The following KANK1 variants were observed in gnomAD, a reference collection of about 807,000 sequenced individuals.
KANK1 encodes KN motif and ankyrin repeat domains 1.
A neutral mutation model predicts 106.2 loss-of-function variants in KANK1; 109 were observed. The observed-to-expected ratio is 1.03, with a 90% CI of 0.88 to 1.20. The LOEUF (loss-of-function observed/expected upper bound fraction) is 1.20. Ranked by LOEUF, KANK1 falls within the 50% of genes most tolerant of loss-of-function variation. KANK1 has a pLI of 0.00. For synonymous variants in KANK1, 873 were observed against 652.2 expected (o/e 1.34, Z -5.16); for missense variants, 2,399 against 1,710.7 (o/e 1.40, Z -7.10).
rs189762128 is a variant in KANK1 at position 618,357 on chromosome 9, G to A, written c.-83-58533G>A. 1.1e-3 allele frequency among the ~76,000 whole-genome samples: 160 copies of A among 152,036 alleles called. 1 individual carries two copies. The East Asian group carries it at 0.021, about 20-fold the overall frequency. On this transcript the variant is annotated intron_variant, in intron 1 of 11. Transcript: ENST00000382297. ...CGAGTAGCTGGGACTACAGGCACAC[G>A]CCACCACACCCAGTTAATTTTTGTA...
intron 1 of KANK1, among the ~76,000 whole-genome samples, chr9:546,458 C>T (rs1032093324): frequency 1.3e-5 from 2 of 152,030 alleles, no homozygotes; most frequent in East Asian, 3.9e-4. Flanking sequence ...CTTTCAGGCT[C>T]ATGGGAAAAG....
chr9:583,394 G>C (rs1822657359), intron 1 of KANK1, among the ~76,000 whole-genome samples: 1 of 152,062 alleles, frequency 6.6e-6, no homozygotes, highest in African/African-American at 2.4e-5. Flanking sequence ...TTGTTTTTAT[G>C]ATGATTACTT....
At chr9:625,518 CTTCTCA>C (rs1834133538) in intron 1 of KANK1, among the ~76,000 whole-genome samples, 1 of 151,852 alleles carries the variant, frequency 6.6e-6, no homozygotes, top group African/African-American at 2.4e-5. Context: ...TGGGTTGGGC[CTTCTCA>C]TAGTTATCCG....
intron 1 of KANK1, among the ~76,000 whole-genome samples, chr9:662,956 C>G (rs540070199): frequency 1.3e-5 from 2 of 152,300 alleles, no homozygotes; most frequent in African/African-American, 2.4e-5. Context: ...GCCACCACGC[C>G]AGGCCTAAAC....
intron 3 of KANK1, among the ~76,000 whole-genome samples, chr9:487,569 C>CA (rs1467182752): frequency 6.6e-6 from 1 of 152,170 alleles, no homozygotes; most frequent in Admixed American, 6.5e-5. Context: ...GGAGTCTGTA[C>CA]AAGTTACTTG....
At chr9:545,893 G>T (rs12342270) in intron 1 of KANK1, among the ~76,000 whole-genome samples, 1 of 151,726 alleles carries the variant, frequency 6.6e-6, no homozygotes, top group Non-Finnish European at 1.5e-5. Flanking sequence ...TTACAGGCAT[G>T]CACCACCATG....
In KANK1 at chr9:711,089, T is replaced by G. The variant is rs141194618; in HGVS notation, c.323T>G (p.Ile108Arg). Residue 108 changes from isoleucine to arginine, a missense_variant, in exon 3 of 12, where the codon ATA (isoleucine) becomes AGA (arginine). Physicochemically the swap from Ile to Arg is moderately conservative, Grantham distance 97 (BLOSUM62 -3). Transcript: ENST00000382297. Reference sequence around the variant, plus strand: ...AACAAGCAGTGCCCCAACTTCCTCATAGCCAGAAGTCAAGTTACATCAACT... The same window carrying G: ...AACAAGCAGTGCCCCAACTTCCTCAGAGCCAGAAGTCAAGTTACATCAACT... ...DDNKQCPNFL[I>R]ARSQVTSTPI... 14 of 1,614,044 alleles carry G rather than the reference T, an allele frequency of 8.7e-6. No homozygotes were observed. Among genetic ancestry groups the G allele is most frequent in the Middle Eastern group, 1.6e-4 (1 of 6,084 alleles).
chr9:566,067 C>G (rs1010483316), intron 1 of KANK1, among the ~76,000 whole-genome samples: 6 of 152,184 alleles, frequency 3.9e-5, no homozygotes, highest in African/African-American at 1.4e-4. Context: ...CTCTATGTGC[C>G]CATGTGTTCT....
intron 1 of KANK1, among the ~76,000 whole-genome samples, chr9:652,953 G>T (rs111666969): frequency 8.5e-4 from 130 of 152,336 alleles, no homozygotes; most frequent in African/African-American, 3.0e-3. Context: ...TTCAGCATCT[G>T]TTCCGGCGTT....
chr9:628,581 C>G (rs1184570471), intron 1 of KANK1, among the ~76,000 whole-genome samples: 1 of 152,188 alleles, frequency 6.6e-6, no homozygotes, highest in Non-Finnish European at 1.5e-5. Flanking sequence ...CTTGAGGGCA[C>G]TTGAACCACA....
intron 1 of KANK1, among the ~76,000 whole-genome samples, chr9:590,604 C>T (rs1255614840): frequency 6.7e-6 from 1 of 148,602 alleles, no homozygotes; most frequent in Admixed American, 6.6e-5. Flanking sequence ...GTAACTTTAC[C>T]ACCATTAAAT....
intron 1 of KANK1, among the ~76,000 whole-genome samples, chr9:658,606 G>C (rs1004816873): frequency 6.7e-6 from 1 of 148,994 alleles, no homozygotes; most frequent in Non-Finnish European, 1.5e-5. Flanking sequence ...AAGTTTTATA[G>C]TTTTTTTTTT....
chr9:532,912 T>C (rs990992843), intron 1 of KANK1, among the ~76,000 whole-genome samples: 1 of 152,164 alleles, frequency 6.6e-6, no homozygotes, highest in African/African-American at 2.4e-5. Context: ...TGTACACAGC[T>C]GCAGGAGGGA....
chr9:552,775 G>A (rs2061356938), intron 1 of KANK1, among the ~76,000 whole-genome samples: 1 of 152,216 alleles, frequency 6.6e-6, no homozygotes, highest in Non-Finnish European at 1.5e-5. Context: ...CAGGGTGCTT[G>A]TGGTTAGGTA....
Position 620,891 on chromosome 9 carries a change from C to G in KANK1, c.-83-55999C>G, listed in dbSNP as rs955427984. ...CTACAGCCCTCTTAACAATTTTACT[C>G]TTAACCAATTTTGGGGTACCAGTTT... On this transcript the variant is annotated intron_variant, in intron 1 of 11. Coordinates refer to ENST00000382297, the MANE Select transcript of KANK1 (RefSeq NM_015158.5). Among the ~76,000 whole-genome samples, 7 of 152,228 alleles carry G rather than the reference C, an allele frequency of 4.6e-5. No homozygotes were observed. The East Asian group carries it at 5.8e-4, about 13-fold the overall frequency.
chr9:570,834 C>T (rs1397431177), intron 1 of KANK1, among the ~76,000 whole-genome samples: 6 of 152,126 alleles, frequency 3.9e-5, no homozygotes, highest in Non-Finnish European at 5.9e-5. Flanking sequence ...ACTTTCTAAA[C>T]ATGCTTAATC....
chr9:705,886 C>T (rs1360460883), intron 2 of KANK1, among the ~76,000 whole-genome samples: 1 of 152,034 alleles, frequency 6.6e-6, no homozygotes, highest in African/African-American at 2.4e-5. Flanking sequence ...CAGGCATGAG[C>T]CAGCGTGCTC....
At chr9:681,434 T>C (rs771447268) in intron 2 of KANK1, among the ~76,000 whole-genome samples, 13 of 152,150 alleles carry the variant, frequency 8.5e-5, no homozygotes, top group Non-Finnish European at 1.6e-4. Flanking sequence ...AATCATGTTG[T>C]AAACTGAATG....
chr9:635,493 C>A (rs991594413), intron 1 of KANK1, among the ~76,000 whole-genome samples: 1 of 151,700 alleles, frequency 6.6e-6, no homozygotes, highest in Admixed American at 6.6e-5. Flanking sequence ...AAGACTAATA[C>A]CACGCACAGA....
Sources: allele counts gnomAD v4.1 joint callset (sites outside exome capture counted in the v4.1 genomes callset), GRCh38; gene constraint gnomAD v4.1.1; transcripts MANE v1.5; gene names NCBI Gene and HGNC (gene_info 2026-07-23, HGNC 2026-07-21).